EPM2A: variants seen among roughly 807,000 people sequenced by gnomAD.
EPM2A encodes EPM2A glucan phosphatase, laforin, also known as laforin.
EPM2A carries 21 observed loss-of-function variants against 26.5 expected under a neutral mutation model. The ratio of observed to expected loss-of-function variants is 0.79; its 90% CI spans 0.56 to 1.14. The LOEUF (loss-of-function observed/expected upper bound fraction) is 1.14. Ranked by LOEUF, EPM2A falls within the 50% of genes most tolerant of loss-of-function variation. The pLI is 0.00. For synonymous variants in EPM2A, 217 were observed against 177.6 expected (o/e 1.22, Z -1.76); for missense variants, 458 against 440.8 (o/e 1.04, Z -0.35).
rs1583157330 is a variant in EPM2A at position 145,735,468 on chromosome 6, G to A, written c.31C>T (p.Pro11Ser). ...TCCGGCCGGGCGCCGGCCACGGCGG[G>A]TGGCACCACCACCCCAAAGCGGAAG... is the stretch of plus-strand genomic sequence containing the variant. MRFRFGVVVP[P>S]AVAGARPELL... Residue 11 changes from proline to serine, a missense_variant, in exon 1 of 4, where the codon CCC becomes TCC. Transcript: ENST00000367519. The A allele has an allele frequency of 9.8e-6, 12 of 1,224,512 alleles. No individual in the cohort carries two copies. Among genetic ancestry groups the A allele is most frequent in the Non-Finnish European group, 1.2e-5 (12 of 980,874 alleles). The allele number at this position is 1,224,512 out of a possible 1,614,324, so 75.9% of individuals were successfully genotyped here.
chr6:145,533,435 T>C (rs1780389445), intron 2 of EPM2A, among the ~76,000 whole-genome samples: 1 of 152,200 alleles, frequency 6.6e-6, no homozygotes, highest in Admixed American at 6.6e-5. Flanking sequence ...CTCCCCTTTT[T>C]AAAGCCCTCC....
chr6:145,582,122 G>A (rs992409418), intron 2 of EPM2A, among the ~76,000 whole-genome samples: 5 of 151,926 alleles, frequency 3.3e-5, no homozygotes, highest in Admixed American at 1.3e-4. Context: ...GTGTCCCAGA[G>A]GTTCTGGTTT....
At chr6:145,715,735 C>T (rs1775581882) in intron 1 of EPM2A, among the ~76,000 whole-genome samples, 1 of 152,132 alleles carries the variant, frequency 6.6e-6, no homozygotes, top group Non-Finnish European at 1.5e-5. Flanking sequence ...ACTTGGGAGA[C>T]AGGGAGACAT....
intron 4 of EPM2A, among the ~76,000 whole-genome samples, chr6:145,397,426 G>C (rs1323734531): frequency 6.6e-6 from 1 of 152,042 alleles, no homozygotes; most frequent in East Asian, 1.9e-4. Flanking sequence ...GGGCAACAGA[G>C]CAAGAGCCTT....
chr6:145,405,497 A>T (rs897550757), intron 4 of EPM2A, among the ~76,000 whole-genome samples: 1 of 152,298 alleles, frequency 6.6e-6, no homozygotes, highest in East Asian at 1.9e-4. Flanking sequence ...TGCCAGAAGC[A>T]GAAATGGCAG....
chr6:145,544,464 C>T (rs1225312436), intron 2 of EPM2A, among the ~76,000 whole-genome samples: 2 of 152,166 alleles, frequency 1.3e-5, no homozygotes, highest in Non-Finnish European at 2.9e-5. Context: ...AAATAGCCAG[C>T]AATCAGAATT....
intron 1 of EPM2A, among the ~76,000 whole-genome samples, chr6:145,695,849 T>C (rs1349258748): frequency 1.3e-5 from 2 of 152,108 alleles, no homozygotes. Context: ...TAGGGGACTT[T>C]AATACTCCAC....
chr6:145,577,526 G>A (rs1470763200), intron 2 of EPM2A, among the ~76,000 whole-genome samples: 2 of 151,908 alleles, frequency 1.3e-5, no homozygotes, highest in Non-Finnish European at 2.9e-5. Context: ...ATTCAATGCT[G>A]GATCACCCAC....
chr6:145,423,397 G>A (rs1013687758), intron 4 of EPM2A, among the ~76,000 whole-genome samples: 4 of 152,068 alleles, frequency 2.6e-5, no homozygotes, highest in Admixed American at 2.6e-4. Context: ...ACCCAGATGT[G>A]GTGGCCTTGA....
chr6:145,439,273 C>T (rs570598134), intron 4 of EPM2A, among the ~76,000 whole-genome samples: 3 of 152,192 alleles, frequency 2.0e-5, no homozygotes, highest in South Asian at 2.1e-4. Flanking sequence ...CAATAACATA[C>T]GTGTGCATGT....
At chr6:145,420,474 T>A (rs1387287897) in intron 4 of EPM2A, among the ~76,000 whole-genome samples, 1 of 152,198 alleles carries the variant, frequency 6.6e-6, no homozygotes, top group Non-Finnish European at 1.5e-5. Context: ...ATACCTTTTA[T>A]AAGTTCTTTT....
At chr6:145,728,803 T>C (rs1252841292) in intron 1 of EPM2A, among the ~76,000 whole-genome samples, 2 of 151,482 alleles carry the variant, frequency 1.3e-5, no homozygotes, top group East Asian at 3.9e-4. Flanking sequence ...TAAAGAGGAG[T>C]TGTATATTAA....
At chr6:145,586,624 G>A (rs57646957) in intron 2 of EPM2A, among the ~76,000 whole-genome samples, 10,191 of 152,184 alleles carry the variant, frequency 0.067, 1,144 homozygotes, top group African/African-American at 0.23. Context: ...AAGGTAAAGT[G>A]ATATGGGTAA....
chr6:145,468,553 T>C (rs1779429920), intron 4 of EPM2A, among the ~76,000 whole-genome samples: 1 of 152,096 alleles, frequency 6.6e-6, no homozygotes, highest in Non-Finnish European at 1.5e-5. Flanking sequence ...CACATTCAAA[T>C]TCAGAATGTC....
intron 2 of EPM2A, among the ~76,000 whole-genome samples, chr6:145,579,877 G>C (rs28568954): frequency 0.032 from 4,832 of 151,844 alleles, 89 homozygotes; most frequent in African/African-American, 0.057. Flanking sequence ...GGTTGCTATA[G>C]GTTTATATTA....
intron 4 of EPM2A, among the ~76,000 whole-genome samples, chr6:145,465,648 G>C (rs558587087): frequency 1.8e-3 from 266 of 151,634 alleles, no homozygotes; most frequent in African/African-American, 5.3e-3. Context: ...TGGGTTTTTG[G>C]TGTGGATGTC....
chr6:145,696,739 C>T (rs540116035), intron 1 of EPM2A, among the ~76,000 whole-genome samples: 9 of 146,902 alleles, frequency 6.1e-5, no homozygotes, highest in South Asian at 2.2e-4. Context: ...TAGTATGATC[C>T]TAGTAATGAA....
At chr6:145,531,836 CCT>C (rs1212295716) in intron 2 of EPM2A, among the ~76,000 whole-genome samples, 1 of 152,180 alleles carries the variant, frequency 6.6e-6, no homozygotes, top group Non-Finnish European at 1.5e-5. Context: ...ATAATTTATC[CCT>C]TTTTTATTCT....
chr6:145,601,139 T>A (rs1209921088), intron 2 of EPM2A, among the ~76,000 whole-genome samples: 2 of 152,244 alleles, frequency 1.3e-5, no homozygotes, highest in African/African-American at 4.8e-5. Context: ...TTATTAACAC[T>A]TATTTATATT....
Sources: gnomAD v4.1 joint callset for allele counts (sites outside exome capture counted in the v4.1 genomes callset) on GRCh38, gnomAD v4.1.1 for gene constraint, MANE v1.5 for transcripts, NCBI Gene and HGNC (gene_info 2026-07-23, HGNC 2026-07-21) for gene names.